Variants in MYO18A observed in about 807,000 individuals in gnomAD.
The protein encoded by MYO18A is unconventional myosin-XVIIIa.
MYO18A carries 78 observed loss-of-function variants against 235.8 expected under a neutral mutation model. That is an observed-to-expected ratio of 0.33 (90% CI 0.28 to 0.40). MYO18A has a LOEUF of 0.40. Ranked by LOEUF, MYO18A falls within the 10% of genes least tolerant of loss-of-function variation. The pLI, the probability that MYO18A is intolerant of heterozygous loss-of-function variation, is 1.00. For synonymous variants in MYO18A, 977 were observed against 1,077.8 expected (o/e 0.91, Z 1.83); for missense variants, 2,215 against 2,699.3 (o/e 0.82, Z 3.98).
Position 29,120,880 on chromosome 17 carries a change from G to A in MYO18A, c.1585+118C>T. 1 of 1,556,852 alleles carries A rather than the reference G, an allele frequency of 6.4e-7. No individual in the cohort carries two copies. Among genetic ancestry groups the A allele is most frequent in the Non-Finnish European group, 8.7e-7 (1 of 1,144,714 alleles). ...CAGACCAGAACTGCCCGTGGACAGA[G>A]GGGTTTCGGGGGGATGGAAAGGCCA... is the stretch of plus-strand genomic sequence containing the variant. On this transcript the variant is annotated intron_variant, in intron 6 of 41. Coordinates refer to ENST00000527372, the MANE Select transcript of MYO18A (RefSeq NM_078471.4). This position sits in a 1 kb window ranked among gnomAD's most constrained non-coding sequence, Gnocchi z 4.2.
At position 29,126,373 on chromosome 17, in the gene MYO18A, C is replaced by T. The variant is rs1341787804; in HGVS notation, c.1000-4120G>A. ...CGCCCGGGAACAGGACCACGACACTCCCCACCTGCTTATGGGTTCTCCAGA... is the reference window on the plus strand; with the variant it reads ...CGCCCGGGAACAGGACCACGACACTTCCCACCTGCTTATGGGTTCTCCAGA... On this transcript the variant is annotated intron_variant, in intron 2 of 41. Coordinates refer to ENST00000527372, the MANE Select transcript of MYO18A (RefSeq NM_078471.4). The surrounding 1 kb of genome is among the most constrained non-coding windows in gnomAD (Gnocchi z 4.1). 6.6e-6 allele frequency among the ~76,000 whole-genome samples: 1 copy of T among 152,098 alleles called. No individual in the cohort carries two copies. Among genetic ancestry groups the T allele is most frequent in the Non-Finnish European group, 1.5e-5 (1 of 68,006 alleles).
intron 2 of MYO18A, among the ~76,000 whole-genome samples, chr17:29,149,157 C>G (rs968375350): frequency 2.0e-5 from 3 of 152,230 alleles, no homozygotes; most frequent in Non-Finnish European, 2.9e-5. Flanking sequence ...GAGGGGGCTG[C>G]GGCGGCAAGA....
At chr17:29,103,795 C>A in intron 20 of MYO18A, 131 bp from the exon 21 acceptor site, 1 of 800,404 alleles carries the variant, frequency 1.2e-6, no homozygotes, top group South Asian at 1.6e-5. Context: ...CGTGGGCTTC[C>A]TCAGTGTCAG....
Position 29,140,341 on chromosome 17 carries a change from C to A in MYO18A, c.1000-18088G>T. On this transcript the variant is annotated intron_variant, in intron 2 of 41. Coordinates refer to ENST00000527372, the MANE Select transcript of MYO18A (RefSeq NM_078471.4). This position sits in a 1 kb window ranked among gnomAD's most constrained non-coding sequence, Gnocchi z 4.2. ...GTGGGGGGTCAGAGGGACACTCACC[C>A]GCATGGCCTGGCCTGGAGCAGCCCA... 7.9e-7 allele frequency: 1 copy of A among 1,272,858 alleles called. No homozygotes were observed. The highest frequency in any genetic ancestry group is 1.0e-6 in the Non-Finnish European group (1 of 981,666). The allele number at this position is 1,272,858 out of a possible 1,614,324, so 78.8% of individuals were successfully genotyped here.
chr17:29,073,921 A>G lies in MYO18A; in HGVS notation c.*849T>C, dbSNP rs781103366. 1 of 1,613,828 alleles carries G rather than the reference A, an allele frequency of 6.2e-7. No homozygotes were observed. The highest frequency in any genetic ancestry group is 8.5e-7 in the Non-Finnish European group (1 of 1,179,818). On this transcript the variant is annotated 3_prime_UTR_variant, in exon 42 of 42. Coordinates refer to ENST00000527372, the MANE Select transcript of MYO18A (RefSeq NM_078471.4). ...CACCTGGACAGAGCAGGAGGGAGGCAGTGCTTGGATCAGCCCTGAACTGCT... is the reference window on the plus strand; with the variant it reads ...CACCTGGACAGAGCAGGAGGGAGGCGGTGCTTGGATCAGCCCTGAACTGCT...
At position 29,140,328 on chromosome 17, in the gene MYO18A, A is replaced by C; in HGVS notation, c.1000-18075T>G. ...GGACATTTCCGGGGTGGGGGGTCAG[A>C]GGGACACTCACCCGCATGGCCTGGC... On this transcript the variant is annotated intron_variant, in intron 2 of 41. Coordinates refer to ENST00000527372, the MANE Select transcript of MYO18A (RefSeq NM_078471.4). This position sits in a 1 kb window ranked among gnomAD's most constrained non-coding sequence, Gnocchi z 4.2. 7.9e-7 allele frequency: 1 copy of C among 1,258,786 alleles called. No homozygotes were observed. The highest frequency in any genetic ancestry group is 1.0e-6 in the Non-Finnish European group (1 of 974,780). The allele number at this position is 1,258,786 out of a possible 1,614,324, so 78.0% of individuals were successfully genotyped here.
intron 2 of MYO18A, among the ~76,000 whole-genome samples, chr17:29,142,357 TGA>T (rs2067761342): frequency 6.6e-6 from 1 of 152,212 alleles, no homozygotes; most frequent in African/African-American, 2.4e-5. Context: ...GTTAAATGAA[TGA>T]GTGAATGAAT....
chr17:29,142,735 C>T (rs1021800521), intron 2 of MYO18A, among the ~76,000 whole-genome samples: 1 of 152,244 alleles, frequency 6.6e-6, no homozygotes, highest in Non-Finnish European at 1.5e-5. Context: ...CAGGGCCACA[C>T]GGCCTGGTTT....
chr17:29,113,959 G>A, intron 15 of MYO18A, 52 bp downstream of exon 15: 1 of 1,422,842 alleles, frequency 7.0e-7, no homozygotes, highest in Non-Finnish European at 9.7e-7. Flanking sequence ...CACGGGGAGA[G>A]GGGTGGGGAA....
In MYO18A at chr17:29,121,541, C is replaced by T; in HGVS notation, c.1371+6G>A. ...AGTCTGCAGGGTAGCCTTGAGGGTG[C>T]TGCACCTTCTCAGAGTACACAGCAG... is the stretch of plus-strand genomic sequence containing the variant. On this transcript the variant is annotated splice_donor_region_variant and intron_variant, in intron 5 of 41. Coordinates refer to ENST00000527372, the MANE Select transcript of MYO18A (RefSeq NM_078471.4). This position sits in a 1 kb window ranked among gnomAD's most constrained non-coding sequence, Gnocchi z 4.2. The T allele has an allele frequency of 3.1e-6, 5 of 1,597,128 alleles. No homozygotes were observed. Among genetic ancestry groups the T allele is most frequent in the Admixed American group, 1.7e-5 (1 of 57,642 alleles).
intron 1 of MYO18A, among the ~76,000 whole-genome samples, chr17:29,172,921 A>G (rs145780484): frequency 6.6e-5 from 10 of 152,340 alleles, no homozygotes; most frequent in African/African-American, 2.4e-4. Context: ...TTCAGCCTCC[A>G]TAACATTCAC....
chr17:29,114,843 T>C, intron 14 of MYO18A, 64 bp downstream of exon 14: 1 of 1,507,922 alleles, frequency 6.6e-7, no homozygotes, highest in East Asian at 2.3e-5. Context: ...CATCCACAGA[T>C]GCCCTCGCTG....
intron 1 of MYO18A, among the ~76,000 whole-genome samples, chr17:29,171,589 T>C (rs763520382): frequency 4.6e-5 from 7 of 152,112 alleles, no homozygotes; most frequent in Non-Finnish European, 8.8e-5. Context: ...TTGAGATGTG[T>C]AAAATTTTAA....
intron 15 of MYO18A, among the ~76,000 whole-genome samples, chr17:29,113,110 C>A (rs2066973135): frequency 1.3e-5 from 2 of 152,226 alleles, no homozygotes; most frequent in South Asian, 4.1e-4. Flanking sequence ...CTGAGTGAGG[C>A]CACCATAGGA....
At chr17:29,113,503 CA>C (rs1460513446) in intron 15 of MYO18A, among the ~76,000 whole-genome samples, 1 of 152,216 alleles carries the variant, frequency 6.6e-6, no homozygotes, top group Non-Finnish European at 1.5e-5. Flanking sequence ...GACAGTCCCC[CA>C]GAGGGCGTCT....
chr17:29,130,528 A>ACACACG (rs2067446956), intron 2 of MYO18A, among the ~76,000 whole-genome samples: 5 of 128,800 alleles, frequency 3.9e-5, no homozygotes, highest in African/African-American at 1.2e-4. Flanking sequence ...ACACACACAC[A>ACACACG]ACCCTTTCAA....
At chr17:29,099,119 G>A in intron 22 of MYO18A, 150 bp from the exon 23 acceptor site, 1 of 1,026,944 alleles carries the variant, frequency 9.7e-7, no homozygotes, top group Non-Finnish European at 1.4e-6. Context: ...GCTCCCCCTT[G>A]CCCCAGGCTC....
At position 29,073,840 on chromosome 17, in the gene MYO18A, GA is replaced by G. The variant is rs780455290; in HGVS notation, c.*929del. Reference sequence around the variant, plus strand: ...CAAAACTTCCATCTTCAGTTTTTCTGATCACAAGTCCTCAACCCCAAGCCTT... The same window carrying G: ...CAAAACTTCCATCTTCAGTTTTTCTGTCACAAGTCCTCAACCCCAAGCCTT... On this transcript the variant is annotated 3_prime_UTR_variant, in exon 42 of 42. Transcript: ENST00000527372. 19 of 1,572,824 alleles carry G rather than the reference GA, an allele frequency of 1.2e-5. No homozygotes were observed. In the Admixed American group the frequency reaches 3.3e-4, roughly 27 times the overall value.
chr17:29,166,341 C>G lies in MYO18A; in HGVS notation c.600G>C (p.Lys200Asn). 6.2e-7 allele frequency: 1 copy of G among 1,612,902 alleles called. No individual in the cohort carries two copies. The highest frequency in any genetic ancestry group is 8.5e-7 in the Non-Finnish European group (1 of 1,179,872). ...GGGGCAGGCGCAGGTCGACTGGGAA[C>G]TTTTTAGTCACTAGCTCAGGGGCTC... ...RSRAPELVTK[K>N]FPVDLRLPPV... The change falls in exon 2 of 42, where the codon AAG (lysine) becomes AAC (asparagine). Residue 200 changes from lysine (K) to asparagine (N), a missense_variant. Coordinates refer to ENST00000527372, the MANE Select transcript of MYO18A (RefSeq NM_078471.4).
Sources: allele counts gnomAD v4.1 joint callset (sites outside exome capture counted in the v4.1 genomes callset), GRCh38; gene constraint gnomAD v4.1.1; non-coding constraint Gnocchi (gnomAD v3.1); transcripts MANE v1.5; gene names NCBI Gene and HGNC (gene_info 2026-07-23, HGNC 2026-07-21).